Variants in TENM3 observed in about 807,000 individuals in gnomAD.
The protein encoded by TENM3 is teneurin-3.
Under a neutral mutation model 255.1 loss-of-function variants are expected in TENM3, and 63 were observed. The ratio of observed to expected loss-of-function variants is 0.25; its 90% CI spans 0.20 to 0.30. The LOEUF is 0.30. TENM3 is among the 10% of genes least tolerant of loss of function. The probability of loss-of-function intolerance (pLI) is 1.00; values close to 1 mark genes in which losing one functional copy is unlikely to be tolerated. For synonymous variants in TENM3, 1,306 were observed against 1,322.3 expected (o/e 0.99, Z 0.27); for missense variants, 2,929 against 3,461.1 (o/e 0.85, Z 3.86).
chr4:181,580,979 A>AT, the TENM3 span, among the ~76,000 whole-genome samples: 1 of 152,114 alleles, frequency 6.6e-6, no homozygotes, highest in Non-Finnish European at 1.5e-5. Context: ...GTTGCCTTGT[A>AT]TTTTTTCTGT....
chr4:182,250,074 A>G (rs1208131283), intron 1 of TENM3, among the ~76,000 whole-genome samples: 2 of 129,060 alleles, frequency 1.5e-5, no homozygotes, highest in East Asian at 2.1e-4. Flanking sequence ...TTTTTTTGAG[A>G]CGGAGTCTTG....
chr4:181,584,691 T>C, the TENM3 span, among the ~76,000 whole-genome samples: 1 of 152,186 alleles, frequency 6.6e-6, no homozygotes. Context: ...CAAATTTCTG[T>C]TCCTCTAACA....
chr4:182,488,304 T>C (rs1734953271), intron 3 of TENM3, among the ~76,000 whole-genome samples: 1 of 152,094 alleles, frequency 6.6e-6, no homozygotes, highest in African/African-American at 2.4e-5. Context: ...AAAAAATACA[T>C]ACCAGCAGAA....
the TENM3 span, among the ~76,000 whole-genome samples, chr4:181,746,857 A>C: frequency 6.6e-6 from 1 of 151,972 alleles, no homozygotes; most frequent in South Asian, 2.1e-4. Flanking sequence ...TATTGGACAC[A>C]TTCTTTTTAA....
the TENM3 span, among the ~76,000 whole-genome samples, chr4:181,653,461 G>A: frequency 6.6e-6 from 1 of 152,118 alleles, no homozygotes; most frequent in Non-Finnish European, 1.5e-5. Context: ...CCAGGCCGGA[G>A]TGCAATGCCG....
At chr4:181,657,831 G>A in the TENM3 span, among the ~76,000 whole-genome samples, 1 of 152,042 alleles carries the variant, frequency 6.6e-6, no homozygotes, top group Non-Finnish European at 1.5e-5. Context: ...TATGTCTTTT[G>A]CAGCAACGTG....
chr4:182,722,580 A>C (rs1358021951), intron 13 of TENM3, among the ~76,000 whole-genome samples: 3 of 152,208 alleles, frequency 2.0e-5, no homozygotes, highest in Non-Finnish European at 4.4e-5. Context: ...ATCTCCGGGC[A>C]AAGGAAACGA....
the TENM3 span, among the ~76,000 whole-genome samples, chr4:181,893,486 T>TTCCCCCCCCCC: frequency 8.8e-5 from 1 of 11,368 alleles, no homozygotes; most frequent in Admixed American, 1.1e-3. Flanking sequence ...CACTTTCCCC[T>TTCCCCCCCCCC]GCCCACCCCC....
the TENM3 span, among the ~76,000 whole-genome samples, chr4:182,095,211 G>C: frequency 4.6e-5 from 7 of 152,302 alleles, no homozygotes; most frequent in East Asian, 1.3e-3. Context: ...GTGTATCAAA[G>C]AGATAACTGC....
the TENM3 span, among the ~76,000 whole-genome samples, chr4:181,761,208 T>C: frequency 6.8e-4 from 103 of 152,238 alleles, no homozygotes; most frequent in Non-Finnish European, 1.9e-4. Flanking sequence ...ACCTCATCAT[T>C]ATCAGTCTTA....
chr4:181,826,347 T>C, the TENM3 span, among the ~76,000 whole-genome samples: 4 of 152,160 alleles, frequency 2.6e-5, no homozygotes, highest in African/African-American at 7.2e-5. Context: ...CAATGATAAG[T>C]GTTAATTTTC....
chr4:181,825,615 C>T, the TENM3 span, among the ~76,000 whole-genome samples: 1 of 152,022 alleles, frequency 6.6e-6, no homozygotes, highest in African/African-American at 2.4e-5. Context: ...TGGTAAACTT[C>T]AGAAAGGAAA....
chr4:182,341,252 A>G (rs1417163150), intron 2 of TENM3, among the ~76,000 whole-genome samples: 2 of 152,172 alleles, frequency 1.3e-5, no homozygotes, highest in Non-Finnish European at 1.5e-5. Flanking sequence ...ATGTTTTTAA[A>G]TTATTGAAAT....
At chr4:181,451,996 G>A in the TENM3 span, among the ~76,000 whole-genome samples, 1 of 152,094 alleles carries the variant, frequency 6.6e-6, no homozygotes, top group Non-Finnish European at 1.5e-5. Context: ...AACAGCCAGA[G>A]AAGTGGGAGG....
intron 1 of TENM3, among the ~76,000 whole-genome samples, chr4:182,287,207 G>A (rs1760787385): frequency 6.6e-6 from 1 of 152,182 alleles, no homozygotes; most frequent in South Asian, 2.1e-4. Flanking sequence ...CAGCTTGGGT[G>A]ACAGAGCGAG....
intron 3 of TENM3, among the ~76,000 whole-genome samples, chr4:182,561,993 T>TAGAC (rs1266663824): frequency 2.1e-5 from 3 of 143,510 alleles, no homozygotes; most frequent in African/African-American, 5.0e-5. Flanking sequence ...GACAGATAGA[T>TAGAC]AGATAGATAG....
the TENM3 span, among the ~76,000 whole-genome samples, chr4:181,668,114 G>T: frequency 2.0e-5 from 3 of 152,142 alleles, no homozygotes; most frequent in African/African-American, 4.8e-5. Context: ...AACAGTGCCT[G>T]GCATAGAGTA....
intron 1 of TENM3, among the ~76,000 whole-genome samples, chr4:182,295,236 C>A (rs2150343329): frequency 6.9e-6 from 1 of 144,356 alleles, no homozygotes; most frequent in African/African-American, 2.6e-5. Flanking sequence ...TATATGGAAA[C>A]AAGTGGTATA....
chr4:182,265,853 A>G (rs539063953), intron 1 of TENM3, among the ~76,000 whole-genome samples: 60 of 152,238 alleles, frequency 3.9e-4, no homozygotes, highest in Non-Finnish European at 6.6e-4. Context: ...AACTTTAGTA[A>G]TCTTTGAGAA....
Sources: gnomAD v4.1 joint callset for allele counts (sites outside exome capture counted in the v4.1 genomes callset) on GRCh38, gnomAD v4.1.1 for gene constraint, MANE v1.5 for transcripts, NCBI Gene and HGNC (gene_info 2026-07-23, HGNC 2026-07-21) for gene names.